KIRREL3: variants seen among roughly 807,000 people sequenced by gnomAD.
KIRREL3 encodes the protein kirre like nephrin family adhesion molecule 3.
In KIRREL3, 36 loss-of-function variants were observed where a neutral mutation model predicts 89.7. That is an observed-to-expected ratio of 0.40 (90% CI 0.31 to 0.53). KIRREL3 has a LOEUF of 0.53. Among genes scored for constraint, KIRREL3 ranks in the 20% least tolerant of loss-of-function variants. KIRREL3 has a pLI of 0.49. For synonymous variants in KIRREL3, 445 were observed against 441.4 expected (o/e 1.01, Z -0.10); for missense variants, 864 against 1,056.6 (o/e 0.82, Z 2.53).
At chr11:126,448,279 C>CAAAAAAAAAAAAAAA (rs55787866) in intron 8 of KIRREL3, among the ~76,000 whole-genome samples, 3 of 95,352 alleles carry the variant, frequency 3.1e-5, no homozygotes, top group African/African-American at 8.2e-5. Context: ...GAGACTGTCT[C>CAAAAAAAAAAAAAAA]AAAAAAAAAA....
In KIRREL3 at chr11:126,614,382, C is replaced by T. The variant is rs1019374039; in HGVS notation, c.56-51470G>A. Among the ~76,000 whole-genome samples the T allele has an allele frequency of 6.6e-5, 10 of 151,946 alleles. No individual in the cohort carries two copies. Among genetic ancestry groups the T allele is most frequent in the Non-Finnish European group, 1.2e-4 (8 of 68,004 alleles). ...TTGGACAACTCACTTCCATTCTTTG[C>T]GCTGTTTTCTCAAGTGCAAAAGGAA... is the stretch of plus-strand genomic sequence containing the variant. On this transcript the variant is annotated intron_variant, in intron 1 of 16. Coordinates refer to ENST00000525144, the MANE Select transcript of KIRREL3 (RefSeq NM_032531.4). The surrounding 1 kb of genome is among the most constrained non-coding windows in gnomAD (Gnocchi z 4.6).
At chr11:126,500,551 C>T (rs1373049277) in intron 4 of KIRREL3, among the ~76,000 whole-genome samples, 2 of 152,096 alleles carry the variant, frequency 1.3e-5, no homozygotes, top group African/African-American at 4.8e-5. Context: ...ACCAGCCTGA[C>T]CAACATGGTG....
chr11:126,542,352 C>T (rs1024317368), intron 2 of KIRREL3, among the ~76,000 whole-genome samples: 1 of 152,152 alleles, frequency 6.6e-6, no homozygotes, highest in African/African-American at 2.4e-5. Context: ...ACAATCAACT[C>T]TTAATTATCT....
intron 4 of KIRREL3, among the ~76,000 whole-genome samples, chr11:126,507,350 G>A (rs1175946963): frequency 6.6e-6 from 1 of 152,102 alleles, no homozygotes. Flanking sequence ...ATAATGTAGA[G>A]TTTACCCAAA....
chr11:126,895,457 A>G (rs570403826), intron 1 of KIRREL3, among the ~76,000 whole-genome samples: 3 of 151,704 alleles, frequency 2.0e-5, no homozygotes, highest in African/African-American at 7.2e-5. Context: ...TCTTAAAAAA[A>G]AAAAAAAAAA....
chr11:126,598,330 T>G (rs1942493566), intron 1 of KIRREL3, among the ~76,000 whole-genome samples: 2 of 152,226 alleles, frequency 1.3e-5, no homozygotes, highest in Admixed American at 6.5e-5. Flanking sequence ...CTCCCATTTA[T>G]TTACCATTAC....
At chr11:126,821,062 C>T (rs566125920) in intron 1 of KIRREL3, among the ~76,000 whole-genome samples, 4 of 152,086 alleles carry the variant, frequency 2.6e-5, no homozygotes, top group African/African-American at 9.6e-5. Flanking sequence ...AAGGTTGATG[C>T]ACTGGAATGA....
intron 1 of KIRREL3, among the ~76,000 whole-genome samples, chr11:126,604,264 A>G (rs774561083): frequency 5.9e-5 from 9 of 152,142 alleles, no homozygotes; most frequent in Non-Finnish European, 1.0e-4. Context: ...GGGTGAGTGT[A>G]CACGTGGGAA....
chr11:126,894,184 G>A (rs907651100), intron 1 of KIRREL3, among the ~76,000 whole-genome samples: 49 of 152,206 alleles, frequency 3.2e-4, no homozygotes, highest in African/African-American at 1.2e-3. Flanking sequence ...GGAAAAATAA[G>A]GAAGTGATGA....
At position 126,989,369 on chromosome 11, in the gene KIRREL3, A is replaced by C. The variant is rs1949959392; in HGVS notation, c.55+11086T>G. 6.6e-6 allele frequency among the ~76,000 whole-genome samples: 1 copy of C among 152,172 alleles called. No homozygotes were observed. The highest frequency in any genetic ancestry group is 2.1e-4 in the South Asian group (1 of 4,830). ...GCAGTGGCAGCTCACCCTGATGCAG[A>C]GAGAGCGGCAAGGGACTCTGATGGT... On this transcript the variant is annotated intron_variant, in intron 1 of 16. Transcript: ENST00000525144. The surrounding 1 kb of genome is among the most constrained non-coding windows in gnomAD (Gnocchi z 6.2).
intron 1 of KIRREL3, among the ~76,000 whole-genome samples, chr11:126,675,848 TG>T (rs1272741213): frequency 2.0e-5 from 3 of 152,080 alleles, no homozygotes; most frequent in Non-Finnish European, 4.4e-5. Context: ...GAGGAGAGAC[TG>T]GAAGCTTGGA....
At chr11:126,852,285 C>A (rs1944369472) in intron 1 of KIRREL3, among the ~76,000 whole-genome samples, 1 of 152,078 alleles carries the variant, frequency 6.6e-6, no homozygotes, top group Non-Finnish European at 1.5e-5. Context: ...ATCTTTCGAC[C>A]TCATGATCCA....
At chr11:126,589,526 T>A (rs1942039059) in intron 1 of KIRREL3, among the ~76,000 whole-genome samples, 2 of 152,180 alleles carry the variant, frequency 1.3e-5, no homozygotes, top group Non-Finnish European at 2.9e-5. Flanking sequence ...TTCCCCTTGG[T>A]CTTAACCATG....
rs1260296870 is a variant in KIRREL3, at chr11:126,570,866, CTG to C, written c.56-7956_56-7955del. On this transcript the variant is annotated intron_variant, in intron 1 of 16. Transcript: ENST00000525144. The surrounding 1 kb of genome is among the most constrained non-coding windows in gnomAD (Gnocchi z 6.1). ...CAAATCTCTGCTCACTGGCTTAAGT[CTG>C]TACATCTCAGGTGGGAAAAAAGACA... 6.6e-5 allele frequency among the ~76,000 whole-genome samples: 10 copies of C among 152,216 alleles called. No individual in the cohort carries two copies. The South Asian group carries it at 1.9e-3, about 28-fold the overall frequency.
At position 126,627,213 on chromosome 11, in the gene KIRREL3, G is replaced by A. The variant is rs941405858; in HGVS notation, c.56-64301C>T. The stretch of plus-strand genomic sequence containing the variant: ...AGAATTTCAGACTGAGGAACTGAAA[G>A]AGCCAGGGCACAGAGTGTGAAAGGG... On this transcript the variant is annotated intron_variant, in intron 1 of 16. Transcript: ENST00000525144. The surrounding 1 kb of genome is among the most constrained non-coding windows in gnomAD (Gnocchi z 5.0). Among the ~76,000 whole-genome samples, 1 of 152,164 alleles carries A rather than the reference G, an allele frequency of 6.6e-6. No homozygotes were observed. Among genetic ancestry groups the A allele is most frequent in the Admixed American group, 6.5e-5 (1 of 15,276 alleles).
chr11:126,896,967 A>C lies in KIRREL3; in HGVS notation c.55+103488T>G, dbSNP rs543082714. ...CTTTTGTTACTCTAAGACTTTGCAG[A>C]ATCAAAAGATTCTAAGAAGAGGCCA... On this transcript the variant is annotated intron_variant, in intron 1 of 16. Coordinates refer to ENST00000525144, the MANE Select transcript of KIRREL3 (RefSeq NM_032531.4). The surrounding 1 kb of genome is among the most constrained non-coding windows in gnomAD (Gnocchi z 4.1). Among the ~76,000 whole-genome samples the C allele has an allele frequency of 6.6e-6, 1 of 152,294 alleles. No homozygotes were observed. Among genetic ancestry groups the C allele is most frequent in the Non-Finnish European group, 1.5e-5 (1 of 68,036 alleles).
chr11:126,930,760 C>A (rs559790596), intron 1 of KIRREL3, among the ~76,000 whole-genome samples: 1 of 152,096 alleles, frequency 6.6e-6, no homozygotes, highest in Non-Finnish European at 1.5e-5. Flanking sequence ...TTAGAGGGGT[C>A]TTACTAAATC....
chr11:126,514,517 TTG>T (rs1394695820), intron 4 of KIRREL3, among the ~76,000 whole-genome samples: 3 of 152,264 alleles, frequency 2.0e-5, no homozygotes, highest in African/African-American at 7.2e-5. Flanking sequence ...TCTCATAACA[TTG>T]TGCAATAATA....
chr11:126,569,720 G>A lies in KIRREL3; in HGVS notation c.56-6808C>T, dbSNP rs1280790662. On this transcript the variant is annotated intron_variant, in intron 1 of 16. Coordinates refer to ENST00000525144, the MANE Select transcript of KIRREL3 (RefSeq NM_032531.4). The surrounding 1 kb of genome is among the most constrained non-coding windows in gnomAD (Gnocchi z 6.5). ...TCCCCAGGAGGAAAAGACAGCTTCA[G>A]GCTGTGGGATGGTGAGGGAGGTCCT... 6.6e-6 allele frequency among the ~76,000 whole-genome samples: 1 copy of A among 152,204 alleles called. No individual in the cohort carries two copies. Among genetic ancestry groups the A allele is most frequent in the Non-Finnish European group, 1.5e-5 (1 of 68,040 alleles).
Sources: gnomAD v4.1 joint callset for allele counts (sites outside exome capture counted in the v4.1 genomes callset) on GRCh38, gnomAD v4.1.1 for gene constraint, Gnocchi (gnomAD v3.1) non-coding constraint, MANE v1.5 for transcripts, NCBI Gene and HGNC (gene_info 2026-07-23, HGNC 2026-07-21) for gene names.